The following ADAMTSL1 variants were observed in gnomAD, a reference collection of about 807,000 sequenced individuals.
ADAMTSL1 encodes ADAMTS like 1.
In ADAMTSL1, 126 loss-of-function variants were observed where a neutral mutation model predicts 201.8. The observed-to-expected ratio is 0.62, with a 90% confidence interval of 0.54 to 0.72. The LOEUF (loss-of-function observed/expected upper bound fraction) is 0.72, where lower values mean the gene tolerates loss of function less well. ADAMTSL1 is among the 30% of genes least tolerant of loss of function. The probability of loss-of-function intolerance (pLI) is 0.00; values close to 1 mark genes in which losing one functional copy is unlikely to be tolerated. For missense variants in ADAMTSL1, 2,679 were observed against 2,277.8 expected, an observed-to-expected ratio of 1.18 and a Z score of -3.59; for synonymous variants, 1,121 against 903.4, an observed-to-expected ratio of 1.24 and a Z score of -4.32.
intron 23 of ADAMTSL1, among the ~76,000 whole-genome samples, chr9:18,884,249 G>A (rs542251607): frequency 5.3e-5 from 8 of 152,016 alleles, no homozygotes; most frequent in Non-Finnish European, 1.0e-4. Flanking sequence ...TGCTTATTTG[G>A]GCATTTGCCT....
intron 2 of ADAMTSL1, among the ~76,000 whole-genome samples, chr9:18,342,678 TC>T (rs1457610640): frequency 6.6e-6 from 1 of 152,184 alleles, no homozygotes; most frequent in Non-Finnish European, 1.5e-5. Context: ...TGCCCAACGT[TC>T]CTCTTCCCGA....
intron 1 of ADAMTSL1, among the ~76,000 whole-genome samples, chr9:17,981,730 A>G (rs1818709093): frequency 6.6e-6 from 1 of 152,178 alleles, no homozygotes; most frequent in African/African-American, 2.4e-5. Flanking sequence ...GGTTCACTGT[A>G]TGATCACACA....
chr9:18,508,395 G>C (rs1181860938), intron 2 of ADAMTSL1, among the ~76,000 whole-genome samples: 1 of 152,134 alleles, frequency 6.6e-6, no homozygotes, highest in African/African-American at 2.4e-5. Context: ...TATCTAAAGG[G>C]AATCAGACAT....
chr9:18,125,422 A>C (rs1002860923), intron 1 of ADAMTSL1, among the ~76,000 whole-genome samples: 9 of 152,006 alleles, frequency 5.9e-5, no homozygotes, highest in Non-Finnish European at 1.2e-4. Context: ...ACACACCCAA[A>C]CCATATCAGA....
chr9:18,526,189 T>C (rs1587460954), intron 2 of ADAMTSL1, among the ~76,000 whole-genome samples: 2 of 152,218 alleles, frequency 1.3e-5, no homozygotes, highest in East Asian at 3.8e-4. Context: ...CCCTTTACCA[T>C]TATGTAATAG....
intron 2 of ADAMTSL1, among the ~76,000 whole-genome samples, chr9:18,276,679 G>A (rs1473329520): frequency 6.6e-6 from 1 of 152,220 alleles, no homozygotes; most frequent in Non-Finnish European, 1.5e-5. Context: ...GAAGGCAAAG[G>A]GGGAGGAGGT....
chr9:18,691,295 G>T (rs977716842), intron 13 of ADAMTSL1, among the ~76,000 whole-genome samples: 1 of 152,138 alleles, frequency 6.6e-6, no homozygotes, highest in Admixed American at 6.5e-5. Context: ...AGTGATAAAA[G>T]AATACAATGT....
chr9:18,091,278 A>C (rs1824007055), intron 1 of ADAMTSL1, among the ~76,000 whole-genome samples: 1 of 152,112 alleles, frequency 6.6e-6, no homozygotes, highest in South Asian at 2.1e-4. Context: ...TCTTATTTAT[A>C]TGGTGTCTCA....
At chr9:18,367,981 G>T (rs1039801538) in intron 2 of ADAMTSL1, among the ~76,000 whole-genome samples, 3 of 151,944 alleles carry the variant, frequency 2.0e-5, no homozygotes, top group African/African-American at 7.3e-5. Context: ...CTCACTACAA[G>T]CTCCGCCTCC....
intron 4 of ADAMTSL1, among the ~76,000 whole-genome samples, chr9:18,600,070 T>C (rs1354458133): frequency 1.3e-5 from 2 of 149,916 alleles, no homozygotes; most frequent in East Asian, 3.9e-4. Flanking sequence ...AAACATCTGA[T>C]AGAGCTGAAA....
intron 1 of ADAMTSL1, among the ~76,000 whole-genome samples, chr9:18,122,062 G>T (rs1825524617): frequency 6.6e-6 from 1 of 152,080 alleles, no homozygotes; most frequent in African/African-American, 2.4e-5. Flanking sequence ...CTTAGTAACT[G>T]CCTTTTATGA....
intron 2 of ADAMTSL1, among the ~76,000 whole-genome samples, chr9:18,258,890 A>G (rs905375896): frequency 2.0e-5 from 3 of 152,142 alleles, no homozygotes; most frequent in Non-Finnish European, 4.4e-5. Context: ...ATTGAATGAA[A>G]TTGCTTCTGC....
chr9:18,844,935 G>A (rs1189571257), intron 23 of ADAMTSL1, among the ~76,000 whole-genome samples: 7 of 151,882 alleles, frequency 4.6e-5, no homozygotes, highest in Non-Finnish European at 7.4e-5. Context: ...TCCAGGTGCC[G>A]TCTGTCACCC....
chr9:18,176,540 G>A (rs1828167711), intron 2 of ADAMTSL1, among the ~76,000 whole-genome samples: 1 of 152,014 alleles, frequency 6.6e-6, no homozygotes, highest in South Asian at 2.1e-4. Flanking sequence ...TTAGAGAGAG[G>A]GTAACATTTC....
At chr9:18,040,713 A>G (rs1246203832) in intron 1 of ADAMTSL1, among the ~76,000 whole-genome samples, 1 of 152,160 alleles carries the variant, frequency 6.6e-6, no homozygotes, top group African/African-American at 2.4e-5. Flanking sequence ...TGAATGGCTT[A>G]TAATTACAGC....
At chr9:18,359,325 G>C (rs1428392241) in intron 2 of ADAMTSL1, among the ~76,000 whole-genome samples, 1 of 152,060 alleles carries the variant, frequency 6.6e-6, no homozygotes, top group Non-Finnish European at 1.5e-5. Context: ...TCTGCCCCCA[G>C]AATCCGATGC....
intron 2 of ADAMTSL1, among the ~76,000 whole-genome samples, chr9:18,183,271 A>C (rs745620964): frequency 2.6e-5 from 4 of 152,176 alleles, no homozygotes; most frequent in Non-Finnish European, 4.4e-5. Context: ...CAAAACTAAA[A>C]AATTCTTAGA....
chr9:18,006,388 A>G lies in ADAMTSL1; in HGVS notation c.87+99466A>G, dbSNP rs139367919. Among the ~76,000 whole-genome samples the G allele has an allele frequency of 3.2e-3, 486 of 152,108 alleles. 1 individual carries two copies. Among genetic ancestry groups the G allele is most frequent in the African/African-American group, 0.011 (454 of 41,556 alleles). On this transcript the variant is annotated intron_variant, in intron 1 of 29. Coordinates refer to the ADAMTSL1 transcript ENST00000680146. ...TAAACAGCTCACTAAGTTCCTGACA[A>G]TTTCACAGTTGGCCCTTTGGAGCTG...
At chr9:18,197,483 G>C (rs4604552) in intron 2 of ADAMTSL1, among the ~76,000 whole-genome samples, 33,735 of 35,144 alleles carry the variant, frequency 0.96, 16,417 homozygotes, top group Middle Eastern at 1. Flanking sequence ...CTCTGTTTGT[G>C]TGTTGTTGGT....
Sources: allele counts gnomAD v4.1 joint callset (sites outside exome capture counted in the v4.1 genomes callset), GRCh38; gene constraint gnomAD v4.1.1; transcripts MANE v1.5; gene names NCBI Gene and HGNC (gene_info 2026-07-23, HGNC 2026-07-21).